Variants in PPARGC1B observed in about 807,000 individuals in gnomAD.
PPARGC1B encodes peroxisome proliferator-activated receptor gamma coactivator 1-beta.
In PPARGC1B, 34 loss-of-function variants were observed where a neutral mutation model predicts 101.6. The ratio of observed to expected loss-of-function variants is 0.33; its 90% CI spans 0.25 to 0.45. The LOEUF is 0.45. Among genes scored for constraint, PPARGC1B ranks in the 20% least tolerant of loss-of-function variants. The pLI is 1.00. For missense variants in PPARGC1B, 1,234 were observed against 1,317.6 expected (o/e 0.94, Z 0.98); for synonymous variants, 548 against 539.3 (o/e 1.02, Z -0.22).
intron 1 of PPARGC1B, among the ~76,000 whole-genome samples, chr5:149,818,561 C>G (rs1024953049): frequency 8.5e-5 from 13 of 152,234 alleles, no homozygotes; most frequent in African/African-American, 3.1e-4. Flanking sequence ...TGGATAAAAG[C>G]CTTTTTCCTG....
At chr5:149,751,786 G>A (rs1017162189) in intron 1 of PPARGC1B, among the ~76,000 whole-genome samples, 2 of 151,932 alleles carry the variant, frequency 1.3e-5, no homozygotes, top group Non-Finnish European at 2.9e-5. Flanking sequence ...AGAAAATAAA[G>A]GTAACATTGT....
chr5:149,772,897 A>C (rs1756194897), intron 1 of PPARGC1B, among the ~76,000 whole-genome samples: 1 of 151,924 alleles, frequency 6.6e-6, no homozygotes, highest in Admixed American at 6.6e-5. Flanking sequence ...TTGTGAAGAT[A>C]TTTGTGTGTG....
At chr5:149,781,016 C>T (rs548349639) in intron 1 of PPARGC1B, among the ~76,000 whole-genome samples, 21 of 152,216 alleles carry the variant, frequency 1.4e-4, no homozygotes, top group Admixed American at 8.5e-4. Context: ...CCAGCCTGGC[C>T]AACATGGTGA....
chr5:149,775,139 C>A (rs1756304882), intron 1 of PPARGC1B, among the ~76,000 whole-genome samples: 1 of 152,224 alleles, frequency 6.6e-6, no homozygotes, highest in East Asian at 1.9e-4. Flanking sequence ...CCTGCCAGCC[C>A]CACATGGCTG....
intron 1 of PPARGC1B, among the ~76,000 whole-genome samples, chr5:149,788,402 C>T (rs1453945665): frequency 3.3e-5 from 5 of 152,054 alleles, no homozygotes; most frequent in African/African-American, 9.7e-5. Context: ...GTTAGAATGG[C>T]GATCATTAAA....
intron 1 of PPARGC1B, among the ~76,000 whole-genome samples, chr5:149,751,156 A>G (rs1561852043): frequency 6.6e-6 from 1 of 152,212 alleles, no homozygotes. Context: ...TAATATTTAA[A>G]AATTTTCAGT....
chr5:149,826,369 C>T (rs539389809), intron 2 of PPARGC1B, among the ~76,000 whole-genome samples: 84 of 152,194 alleles, frequency 5.5e-4, no homozygotes, highest in Non-Finnish European at 1.1e-3. Flanking sequence ...AGCCCTGTGC[C>T]CAGGTATGTG....
chr5:149,751,842 C>G (rs1055185673), intron 1 of PPARGC1B, among the ~76,000 whole-genome samples: 8 of 152,226 alleles, frequency 5.3e-5, no homozygotes, highest in African/African-American at 1.9e-4. Context: ...ACACTTTTCT[C>G]ACCTCTCAGC....
intron 1 of PPARGC1B, chr5:149,732,738 C>G (rs1754549660): frequency 2.1e-6 from 1 of 466,042 alleles, no homozygotes; most frequent in Admixed American, 2.4e-5. Flanking sequence ...CCAGTGTGCT[C>G]CTCCTTATTT....
At chr5:149,763,569 C>T (rs1755795682) in intron 1 of PPARGC1B, among the ~76,000 whole-genome samples, 2 of 135,752 alleles carry the variant, frequency 1.5e-5, no homozygotes, top group South Asian at 5.1e-4. Flanking sequence ...CTCACTCTGT[C>T]ACCCAGGCTG....
rs764099102 is a variant in PPARGC1B at position 149,847,442 on chromosome 5, T to C, written c.2972-16T>C. 6.3e-7 allele frequency: 1 copy of C among 1,599,262 alleles called. No individual in the cohort carries two copies. ...CTGCCTTCCCCTCTTCCCTGCCTCT[T>C]CACCCCCATGCCCAGATTCCAATTC... On this transcript the variant is annotated splice_polypyrimidine_tract_variant and intron_variant, in intron 11 of 11. Coordinates refer to ENST00000309241, the MANE Select transcript of PPARGC1B (RefSeq NM_133263.4).
Position 149,836,570 on chromosome 5 carries a change from A to G in PPARGC1B, c.2115A>G (p.Gln705=). The part of the protein sequence containing the change: ...CQVLRPEGVL[Q]RKVLRSWEPS... ...TGCTCCGACCAGAAGGCGTCCTGCA[A>G]AGGAAGGTGCTGAGGTCCTGGGAGC... The change falls in exon 8 of 12, where the codon CAA becomes CAG. Residue 705 remains glutamine, a synonymous_variant. Coordinates refer to ENST00000309241, the MANE Select transcript of PPARGC1B (RefSeq NM_133263.4). The G allele has an allele frequency of 6.2e-7, 1 of 1,613,920 alleles. No individual in the cohort carries two copies. Among genetic ancestry groups the G allele is most frequent in the Admixed American group, 1.7e-5 (1 of 60,034 alleles).
intron 1 of PPARGC1B, among the ~76,000 whole-genome samples, chr5:149,814,894 C>T (rs80254382): frequency 0.015 from 2,360 of 152,274 alleles, 28 homozygotes; most frequent in Non-Finnish European, 0.024. Context: ...TGAGCAGGCA[C>T]GTTGAGGGGC....
intron 1 of PPARGC1B, among the ~76,000 whole-genome samples, chr5:149,768,439 TA>T (rs1755998018): frequency 7.4e-6 from 1 of 134,494 alleles, no homozygotes; most frequent in African/African-American, 3.0e-5. Flanking sequence ...CATGCCTGGC[TA>T]ATTTTTTTTT....
At chr5:149,767,877 C>G (rs1465584757) in intron 1 of PPARGC1B, among the ~76,000 whole-genome samples, 1 of 152,096 alleles carries the variant, frequency 6.6e-6, no homozygotes, top group Non-Finnish European at 1.5e-5. Flanking sequence ...CTGCATGATT[C>G]AAGTGCATTA....
intron 1 of PPARGC1B, among the ~76,000 whole-genome samples, chr5:149,815,699 G>T (rs1035767358): frequency 6.6e-6 from 1 of 152,094 alleles, no homozygotes; most frequent in African/African-American, 2.4e-5. Context: ...GGCACCCGCC[G>T]CCATACCTAG....
chr5:149,750,697 G>A (rs1001207724), intron 1 of PPARGC1B, among the ~76,000 whole-genome samples: 1 of 152,132 alleles, frequency 6.6e-6, no homozygotes, highest in Non-Finnish European at 1.5e-5. Flanking sequence ...TGGAAAAAGA[G>A]TGAACCACAT....
At position 149,826,758 on chromosome 5, in the gene PPARGC1B, TC is replaced by T; in HGVS notation, c.341del (p.Pro114GlnfsTer92). 4 of 1,613,940 alleles carry T rather than the reference TC, an allele frequency of 2.5e-6. No individual in the cohort carries two copies. The highest frequency in any genetic ancestry group is 3.4e-6 in the Non-Finnish European group (4 of 1,179,920). ...IPEDDVGLAA[F>X]PALDGGDALS... Reference sequence around the variant, plus strand: ...GAAGATGACGTGGGTCTGGCTGCCTTCCCAGCCCTGGATGGTGGAGACGCTC... The same window carrying T: ...GAAGATGACGTGGGTCTGGCTGCCTTCCAGCCCTGGATGGTGGAGACGCTC... On this transcript the variant is annotated frameshift_variant, in exon 3 of 12. Coordinates refer to ENST00000309241, the MANE Select transcript of PPARGC1B (RefSeq NM_133263.4). LOFTEE classifies it high-confidence loss of function.
At chr5:149,822,554 G>A (rs574880717) in intron 2 of PPARGC1B, among the ~76,000 whole-genome samples, 146 of 152,364 alleles carry the variant, frequency 9.6e-4, no homozygotes, top group African/African-American at 3.4e-3. Flanking sequence ...ATTGTGCATG[G>A]TTGTATTCCC....
Sources: gnomAD v4.1 joint callset for allele counts (sites outside exome capture counted in the v4.1 genomes callset) on GRCh38, gnomAD v4.1.1 for gene constraint, MANE v1.5 for transcripts, NCBI Gene and HGNC (gene_info 2026-07-23, HGNC 2026-07-21) for gene names.